MYRIP: variants seen among roughly 807,000 people sequenced by gnomAD.
MYRIP encodes myosin VIIA and Rab interacting protein.
A neutral mutation model predicts 98.0 loss-of-function variants in MYRIP; 49 were observed. That is an observed-to-expected ratio of 0.50 (90% confidence interval 0.40 to 0.63). The LOEUF is 0.63. Ranked by LOEUF, MYRIP falls within the 30% of genes least tolerant of loss-of-function variation. MYRIP has a pLI of 0.00. For synonymous variants in MYRIP, 404 were observed against 409.5 expected, an observed-to-expected ratio of 0.99 and a Z score of 0.16; for missense variants, 1,004 against 1,058.2, an observed-to-expected ratio of 0.95 and a Z score of 0.71.
chr3:40,129,664 T>C (rs988367412), intron 3 of MYRIP, among the ~76,000 whole-genome samples: 5 of 152,076 alleles, frequency 3.3e-5, no homozygotes. Context: ...ATCTTCAGCA[T>C]ATCACAGAGT....
chr3:39,834,643 T>G (rs914702630), intron 1 of MYRIP, among the ~76,000 whole-genome samples: 1 of 152,172 alleles, frequency 6.6e-6, no homozygotes, highest in African/African-American at 2.4e-5. Context: ...TCATATGACA[T>G]AAATTATGCT....
At chr3:40,062,774 A>T (rs1409350019) in intron 3 of MYRIP, among the ~76,000 whole-genome samples, 2 of 152,216 alleles carry the variant, frequency 1.3e-5, no homozygotes, top group Non-Finnish European at 2.9e-5. Context: ...TGTGTGAAAA[A>T]TATCTATTAT....
chr3:40,025,579 G>T (rs964720866), intron 2 of MYRIP, among the ~76,000 whole-genome samples: 3 of 152,122 alleles, frequency 2.0e-5, no homozygotes, highest in Admixed American at 1.3e-4. Flanking sequence ...TGAGGTATTG[G>T]GGGAACCCGC....
intron 3 of MYRIP, among the ~76,000 whole-genome samples, chr3:40,138,762 G>T (rs574567054): frequency 6.6e-6 from 1 of 152,260 alleles, no homozygotes; most frequent in South Asian, 2.1e-4. Context: ...TGGGTAATTA[G>T]CATAGCTACC....
At chr3:40,243,241 G>A (rs6599082) in intron 12 of MYRIP, among the ~76,000 whole-genome samples, 72,612 of 151,696 alleles carry the variant, frequency 0.48, 17,664 homozygotes, top group East Asian at 0.72. Context: ...ATGATGATGC[G>A]CAAATTTGCT....
At chr3:39,858,882 T>G in intron 1 of MYRIP, among the ~76,000 whole-genome samples, 1 of 152,016 alleles carries the variant, frequency 6.6e-6, no homozygotes, top group Non-Finnish European at 1.5e-5. Flanking sequence ...GAGGAGGCAG[T>G]AAAAGCAGTT....
intron 1 of MYRIP, among the ~76,000 whole-genome samples, chr3:39,813,465 A>G (rs755181140): frequency 6.6e-6 from 1 of 152,186 alleles, no homozygotes; most frequent in Non-Finnish European, 1.5e-5. Flanking sequence ...GTTGGGCACG[A>G]TAATTATATT....
chr3:40,058,459 A>G (rs1033149219), intron 3 of MYRIP, among the ~76,000 whole-genome samples: 3 of 152,228 alleles, frequency 2.0e-5, no homozygotes, highest in African/African-American at 7.2e-5. Context: ...CAAAAGTTTT[A>G]ATCATCAAGC....
chr3:40,119,037 C>T (rs1949343577), intron 3 of MYRIP, among the ~76,000 whole-genome samples: 1 of 152,042 alleles, frequency 6.6e-6, no homozygotes, highest in Admixed American at 6.6e-5. Flanking sequence ...CCGCAATAAA[C>T]ATACGTGTGC....
At chr3:40,032,575 A>G (rs1947285108) in intron 2 of MYRIP, among the ~76,000 whole-genome samples, 1 of 152,118 alleles carries the variant, frequency 6.6e-6, no homozygotes, top group Admixed American at 6.6e-5. Context: ...TGTGGCAATA[A>G]TCAATAGCTT....
Position 40,044,178 on chromosome 3 carries a change from A to T in MYRIP, c.239A>T (p.Gln80Leu). 6.2e-7 allele frequency: 1 copy of T among 1,614,168 alleles called. No individual in the cohort carries two copies. Among genetic ancestry groups the T allele is most frequent in the East Asian group, 2.2e-5 (1 of 44,870 alleles). The change falls in exon 3 of 17, where the codon CAG (glutamine) becomes CTG (leucine). Residue 80 changes from glutamine (Q) to leucine (L), a missense_variant. This residue lies in a region of MYRIP where 880 missense variants were observed against 907.7 expected (regional missense o/e 0.97). Transcript: ENST00000302541. ...PFTFLVNTKR[Q>L]CGDCKFNVCK... ...ACCTTCCTCGTCAACACCAAGCGCCAGTGTGGAGATTGCAAATTCAATGTC... is the reference window on the plus strand; with the variant it reads ...ACCTTCCTCGTCAACACCAAGCGCCTGTGTGGAGATTGCAAATTCAATGTC...
chr3:40,256,799 T>A (rs1407328743), intron 16 of MYRIP, among the ~76,000 whole-genome samples: 4 of 151,982 alleles, frequency 2.6e-5, no homozygotes, highest in Non-Finnish European at 4.4e-5. Flanking sequence ...CCATACCATA[T>A]AAAATATTCC....
chr3:39,953,272 C>T (rs1319460511), intron 2 of MYRIP, among the ~76,000 whole-genome samples: 1 of 152,162 alleles, frequency 6.6e-6, no homozygotes, highest in Admixed American at 6.5e-5. Context: ...AATAGTTTTA[C>T]TTGAATAAAT....
rs1049739474 is a variant in MYRIP, at chr3:39,809,744, T to G, written c.-203T>G. 24 of 152,176 alleles carry G rather than the reference T, an allele frequency of 1.6e-4. No homozygotes were observed. Among genetic ancestry groups the G allele is most frequent in the African/African-American group, 5.8e-4 (24 of 41,458 alleles). 9.4% of individuals were successfully genotyped at this position (152,176 alleles called of 1,614,324 possible). A position where few individuals can be genotyped will look rare whatever the true frequency, so the allele number is the denominator to read the frequency against. ...TCTGGCAGCCGAGCCCCCGCGGTGC[T>G]GCAGCCCAGCTTTAGCGCGCAGACC... On this transcript the variant is annotated 5_prime_UTR_variant, in exon 1 of 17. Transcript: ENST00000302541.
chr3:40,258,459 G>T lies in MYRIP; in HGVS notation c.*293G>T. Reference sequence around the variant, plus strand: ...CATGTTTAAGATACATATTTTCCCTGTTTGCTTTGCTACTGTATGTTGACT... The same window carrying T: ...CATGTTTAAGATACATATTTTCCCTTTTTGCTTTGCTACTGTATGTTGACT... On this transcript the variant is annotated 3_prime_UTR_variant, in exon 17 of 17. Coordinates refer to ENST00000302541, the MANE Select transcript of MYRIP (RefSeq NM_015460.4). 1 of 380,720 alleles carries T rather than the reference G, an allele frequency of 2.6e-6. No individual in the cohort carries two copies. The highest frequency in any genetic ancestry group is 4.8e-6 in the Non-Finnish European group (1 of 209,058). The allele number at this position is 380,720 out of a possible 1,614,324, so 23.6% of individuals were successfully genotyped here. A position where few individuals can be genotyped will look rare whatever the true frequency, so the allele number is the denominator to read the frequency against.
intron 2 of MYRIP, among the ~76,000 whole-genome samples, chr3:39,968,363 G>C (rs1427251060): frequency 6.6e-6 from 1 of 151,986 alleles, no homozygotes; most frequent in African/African-American, 2.4e-5. Flanking sequence ...GGGTTTCGCT[G>C]TGTTGGCCAG....
chr3:40,036,267 T>C (rs1947380116), intron 2 of MYRIP, among the ~76,000 whole-genome samples: 1 of 119,180 alleles, frequency 8.4e-6, no homozygotes, highest in Non-Finnish European at 1.6e-5. Flanking sequence ...AAGGAAGAAT[T>C]ACACTGACAG....
At chr3:40,209,832 C>A in intron 10 of MYRIP, 22 bp from the exon 11 acceptor site, 2 of 1,613,412 alleles carry the variant, frequency 1.2e-6, no homozygotes, top group South Asian at 2.2e-5. Flanking sequence ...CTCCTCATCT[C>A]ATGATTCTGG....
Position 40,207,220 on chromosome 3 carries a change from A to G in MYRIP, c.1666-2634A>G, listed in dbSNP as rs563377760. Among the ~76,000 whole-genome samples, 148 of 152,296 alleles carry G rather than the reference A, an allele frequency of 9.7e-4. 1 individual carries two copies. Among genetic ancestry groups the G allele is most frequent in the African/African-American group, 3.5e-3 (145 of 41,566 alleles). On this transcript the variant is annotated intron_variant, in intron 10 of 16. Coordinates refer to ENST00000302541, the MANE Select transcript of MYRIP (RefSeq NM_015460.4). ...ACTTCTGAACCTTATCCCTCAAACT[A>G]TGCAAGCAGCTTCATGCACCCTGGG...
Sources: allele counts gnomAD v4.1 joint callset (sites outside exome capture counted in the v4.1 genomes callset), GRCh38; gene constraint gnomAD v4.1.1; regional missense constraint gnomAD v4.1.1; transcripts MANE v1.5; gene names NCBI Gene and HGNC (gene_info 2026-07-23, HGNC 2026-07-21).